The following RBFOX1 variants were observed in gnomAD, a reference collection of about 807,000 sequenced individuals.
The protein encoded by RBFOX1 is RNA binding protein fox-1 homolog 1.
In RBFOX1, 8 loss-of-function variants were observed where a neutral mutation model predicts 57.7. The observed-to-expected ratio is 0.14, with a 90% CI of 0.08 to 0.25. The LOEUF (loss-of-function observed/expected upper bound fraction) is 0.25. Among genes scored for constraint, RBFOX1 ranks in the 10% least tolerant of loss-of-function variants. RBFOX1 has a pLI of 1.00. For missense variants in RBFOX1, 611 were observed against 548.5 expected (o/e 1.11, Z -1.14); for synonymous variants, 326 against 222.4 (o/e 1.47, Z -4.15).
chr16:7,167,828 G>A (rs2079876469), intron 4 of RBFOX1, among the ~76,000 whole-genome samples: 1 of 150,222 alleles, frequency 6.7e-6, no homozygotes, highest in South Asian at 2.1e-4. Context: ...AAACCATCTG[G>A]CCTGCAAAGC....
chr16:6,909,158 T>C (rs944164929), intron 3 of RBFOX1, among the ~76,000 whole-genome samples: 1 of 152,204 alleles, frequency 6.6e-6, no homozygotes, highest in African/African-American at 2.4e-5. Context: ...GTCAACAGTG[T>C]TGCATTTCTT....
At chr16:7,583,033 C>T (rs1174443928) in intron 6 of RBFOX1, among the ~76,000 whole-genome samples, 1 of 152,184 alleles carries the variant, frequency 6.6e-6, no homozygotes, top group African/African-American at 2.4e-5. Context: ...GTATCTTCAG[C>T]ACATCATGAA....
intron 3 of RBFOX1, among the ~76,000 whole-genome samples, chr16:6,861,755 T>C (rs1674626039): frequency 6.6e-6 from 1 of 150,558 alleles, no homozygotes; most frequent in Admixed American, 6.7e-5. Context: ...ACCCTATTGA[T>C]AATAAGTATT....
rs530237720 is a variant in RBFOX1, at chr16:5,942,017, C to G, written c.351+74682C>G. On this transcript the variant is annotated intron_variant, in intron 4 of 19. Coordinates refer to the RBFOX1 transcript ENST00000641259. ...ACCTGAGTGGAGGAATAACAGAAAT[C>G]AGTCATTAGTAAGGCTTCCTCCCCA... Among the ~76,000 whole-genome samples the G allele has an allele frequency of 5.9e-5, 9 of 151,994 alleles. No homozygotes were observed. In the South Asian group the frequency reaches 1.9e-3, roughly 32 times the overall value.
chr16:6,962,240 GTC>G (rs1380238113), intron 3 of RBFOX1, among the ~76,000 whole-genome samples: 1 of 152,080 alleles, frequency 6.6e-6, no homozygotes, highest in Non-Finnish European at 1.5e-5. Flanking sequence ...CTAGGTGTGT[GTC>G]AGACCTCCCT....
chr16:7,397,447 G>T (rs2098160680), intron 4 of RBFOX1, among the ~76,000 whole-genome samples: 1 of 152,204 alleles, frequency 6.6e-6, no homozygotes, highest in Non-Finnish European at 1.5e-5. Flanking sequence ...CACATAGGGG[G>T]CATACTAAGT....
intron 2 of RBFOX1, among the ~76,000 whole-genome samples, chr16:6,487,540 C>G (rs58009550): frequency 6.6e-6 from 1 of 151,290 alleles, no homozygotes; most frequent in Non-Finnish European, 1.5e-5. Flanking sequence ...TGGTTAGTTT[C>G]TAAGCATTTA....
intron 4 of RBFOX1, among the ~76,000 whole-genome samples, chr16:5,995,912 A>G (rs1184621869): frequency 6.6e-6 from 1 of 152,230 alleles, no homozygotes; most frequent in Non-Finnish European, 1.5e-5. Flanking sequence ...AGGGCTGGGA[A>G]GTCCAAGACT....
chr16:7,615,611 T>C (rs970667496), intron 10 of RBFOX1, among the ~76,000 whole-genome samples: 1 of 152,064 alleles, frequency 6.6e-6, no homozygotes, highest in South Asian at 2.1e-4. Context: ...CACCAATGCT[T>C]TAGTTAACCC....
intron 4 of RBFOX1, among the ~76,000 whole-genome samples, chr16:7,311,503 C>T (rs571784237): frequency 6.2e-4 from 50 of 80,454 alleles, no homozygotes; most frequent in African/African-American, 2.0e-3. Context: ...TTTTGGCATT[C>T]GATGTTTGCT....
At chr16:5,470,039 T>C (rs2069081646) in intron 2 of RBFOX1, among the ~76,000 whole-genome samples, 1 of 152,220 alleles carries the variant, frequency 6.6e-6, no homozygotes, top group Non-Finnish European at 1.5e-5. Flanking sequence ...TTGGGCCATA[T>C]GGTAATTCTG....
At chr16:6,205,546 G>T (rs759758356) in intron 1 of RBFOX1, among the ~76,000 whole-genome samples, 1 of 152,056 alleles carries the variant, frequency 6.6e-6, no homozygotes, top group Non-Finnish European at 1.5e-5. Context: ...GTTTCTGCAG[G>T]CTCCAGATTT....
intron 1 of RBFOX1, among the ~76,000 whole-genome samples, chr16:6,151,258 A>C (rs983620696): frequency 2.4e-4 from 37 of 152,258 alleles, no homozygotes; most frequent in African/African-American, 8.4e-4. Flanking sequence ...GTTTTCAGGA[A>C]TTGCATAATT....
At chr16:7,139,599 A>T (rs963710739) in intron 4 of RBFOX1, among the ~76,000 whole-genome samples, 33 of 152,136 alleles carry the variant, frequency 2.2e-4, no homozygotes, top group Admixed American at 9.2e-4. Flanking sequence ...TACTTTTATC[A>T]GCAATGGTGA....
At chr16:6,635,114 T>A (rs964639824) in intron 2 of RBFOX1, among the ~76,000 whole-genome samples, 14 of 146,464 alleles carry the variant, frequency 9.6e-5, no homozygotes, top group African/African-American at 3.5e-4. Context: ...AAGTATTATA[T>A]GTAAGTATAC....
intron 4 of RBFOX1, among the ~76,000 whole-genome samples, chr16:7,497,864 A>C: frequency 6.6e-6 from 1 of 152,338 alleles, no homozygotes; most frequent in Admixed American, 6.5e-5. Flanking sequence ...GACCTCACAC[A>C]CAGCGAATGT....
intron 3 of RBFOX1, among the ~76,000 whole-genome samples, chr16:5,832,201 G>T (rs1436480676): frequency 6.6e-6 from 1 of 152,210 alleles, no homozygotes; most frequent in East Asian, 1.9e-4. Context: ...CAGGTAGGCT[G>T]GAGCTCAACA....
At chr16:7,226,979 G>C (rs1054446596) in intron 4 of RBFOX1, among the ~76,000 whole-genome samples, 4 of 152,272 alleles carry the variant, frequency 2.6e-5, no homozygotes, top group Non-Finnish European at 4.4e-5. Context: ...TTTCTGGCTT[G>C]TCTTCATCTC....
intron 4 of RBFOX1, among the ~76,000 whole-genome samples, chr16:7,204,234 C>G (rs12923616): frequency 6.6e-6 from 1 of 152,030 alleles, no homozygotes; most frequent in East Asian, 1.9e-4. Context: ...CATCTCTTGC[C>G]TCTATCTCAG....
Sources: allele counts gnomAD v4.1 joint callset (sites outside exome capture counted in the v4.1 genomes callset), GRCh38; gene constraint gnomAD v4.1.1; transcripts MANE v1.5; gene names NCBI Gene and HGNC (gene_info 2026-07-23, HGNC 2026-07-21).